Variants in DGKK observed in about 807,000 individuals in gnomAD.
DGKK encodes the protein 142 kDa diacylglycerol kinase.
Under a neutral mutation model 92.2 loss-of-function variants are expected in DGKK, and 35 were observed. The observed-to-expected ratio is 0.38, with a 90% CI of 0.29 to 0.50. The LOEUF (loss-of-function observed/expected upper bound fraction) is 0.50, where lower values mean the gene tolerates loss of function less well. DGKK is among the 20% of genes least tolerant of loss of function. The pLI is 0.92. For missense variants in DGKK, 910 were observed against 992.2 expected (o/e 0.92, Z 1.11); for synonymous variants, 368 against 360.6 (o/e 1.02, Z -0.23).
chrX:50,400,981 T>A, intron 8 of DGKK, 56 bp downstream of exon 8: 1 of 1,075,957 alleles, frequency 9.3e-7, no homozygotes, highest in African/African-American at 1.8e-5. Flanking sequence ...CTTCCCAGCC[T>A]TTGCACCTTC....
At chrX:50,433,004 T>C (rs1224721804) in intron 1 of DGKK, among the ~76,000 whole-genome samples, 1 of 111,786 alleles carries the variant, frequency 8.9e-6, no homozygotes, top group African/African-American at 3.3e-5. Flanking sequence ...CCCTTGGTAA[T>C]TGACCTGGGA....
At chrX:50,466,785 C>T (rs1394093210) in intron 1 of DGKK, among the ~76,000 whole-genome samples, 1 of 111,528 alleles carries the variant, frequency 9.0e-6, no homozygotes, top group African/African-American at 3.3e-5. Flanking sequence ...TAGGAATCAC[C>T]AGATATCATA....
chrX:50,371,645 T>C lies in DGKK; in HGVS notation c.3612+79A>G, dbSNP rs1388923129. On this transcript the variant is annotated intron_variant, in intron 26 of 27. Coordinates refer to ENST00000611977, the MANE Select transcript of DGKK (RefSeq NM_001013742.4). ...GACCCCCTGTACTACAGTCACCATG[T>C]CCTGGCCCACACTGGAAGGGAAGGC... The C allele has an allele frequency of 6.7e-6, 5 of 745,467 alleles. No individual in the cohort carries two copies. In the African/African-American group the frequency reaches 8.4e-5, roughly 13 times the overall value. The allele number at this position is 745,467 out of a possible 1,213,427, so 61.4% of individuals were successfully genotyped here.
intron 21 of DGKK, 23 bp from the exon 22 acceptor site, chrX:50,378,255 A>G (rs782570600): frequency 2.5e-6 from 3 of 1,200,347 alleles, no homozygotes; most frequent in South Asian, 3.6e-5. Context: ...ATGAGGAAGA[A>G]TGGGAGAGAA....
chrX:50,464,140 G>A (rs782173372), intron 1 of DGKK, among the ~76,000 whole-genome samples: 1,870 of 88,438 alleles, frequency 0.021, 35 homozygotes, highest in African/African-American at 0.063. Context: ...TAAAAAAATC[G>A]GTTTTTTTTT....
chrX:50,454,954 TCA>T (rs1926574887), intron 1 of DGKK, among the ~76,000 whole-genome samples: 1 of 112,243 alleles, frequency 8.9e-6, no homozygotes, highest in Non-Finnish European at 1.9e-5. Flanking sequence ...TGTAACAAAA[TCA>T]TATCTTTCCT....
chrX:50,389,355 C>T (rs1924627863), intron 12 of DGKK, among the ~76,000 whole-genome samples: 1 of 112,236 alleles, frequency 8.9e-6, no homozygotes, highest in Admixed American at 9.4e-5. Flanking sequence ...TCCAAATCAC[C>T]ATCACCTCTT....
intron 4 of DGKK, among the ~76,000 whole-genome samples, chrX:50,407,679 A>G (rs1557227419): frequency 8.9e-6 from 1 of 111,806 alleles, no homozygotes; most frequent in East Asian, 2.8e-4. Context: ...AGGGCACACA[A>G]TGCAGTCCAT....
intron 18 of DGKK, among the ~76,000 whole-genome samples, chrX:50,380,477 C>T (rs1157089032): frequency 2.7e-5 from 3 of 111,263 alleles, no homozygotes; most frequent in East Asian, 2.8e-4. Context: ...ATTTGAAACA[C>T]GTGACTCTTA....
At chrX:50,388,871 A>T (rs1344049038) in intron 12 of DGKK, among the ~76,000 whole-genome samples, 4 of 112,168 alleles carry the variant, frequency 3.6e-5, no homozygotes, top group African/African-American at 1.3e-4. Flanking sequence ...AGGAGGTACT[A>T]TTTCTTTCAT....
chrX:50,376,484 G>A (rs1358674155), intron 23 of DGKK, among the ~76,000 whole-genome samples: 3 of 111,857 alleles, frequency 2.7e-5, no homozygotes, highest in Non-Finnish European at 5.6e-5. Flanking sequence ...ATATTTAAGG[G>A]CAAGGGTAAA....
chrX:50,402,979 T>C (rs1257178919), intron 7 of DGKK, 82 bp downstream of exon 7: 2 of 1,111,346 alleles, frequency 1.8e-6, no homozygotes, highest in African/African-American at 3.7e-5. Context: ...GATTTCTATC[T>C]ATGTGTATAC....
chrX:50,386,060 T>C (rs1011230716), intron 15 of DGKK, among the ~76,000 whole-genome samples: 3 of 111,511 alleles, frequency 2.7e-5, no homozygotes, highest in Non-Finnish European at 1.9e-5. Flanking sequence ...TGATAGAGCT[T>C]TGAACCAGGT....
intron 25 of DGKK, among the ~76,000 whole-genome samples, chrX:50,374,519 A>G (rs1268055785): frequency 9.0e-6 from 1 of 111,420 alleles, no homozygotes; most frequent in Non-Finnish European, 1.9e-5. Flanking sequence ...TAGGAAACGA[A>G]TATATTAATA....
At chrX:50,443,992 C>A (rs934841285) in intron 1 of DGKK, among the ~76,000 whole-genome samples, 1 of 111,239 alleles carries the variant, frequency 9.0e-6, no homozygotes, top group African/African-American at 3.3e-5. Flanking sequence ...TTACACTCAG[C>A]ATAATTCCCT....
intron 1 of DGKK, among the ~76,000 whole-genome samples, chrX:50,430,525 A>G (rs781897161): frequency 8.9e-6 from 1 of 112,066 alleles, no homozygotes; most frequent in African/African-American, 3.2e-5. Flanking sequence ...CCCGAATTCA[A>G]TCACCACAGA....
At chrX:50,396,386 C>A (rs1924852531) in intron 8 of DGKK, among the ~76,000 whole-genome samples, 1 of 111,850 alleles carries the variant, frequency 8.9e-6, no homozygotes, top group African/African-American at 3.3e-5. Context: ...AGCAGCAAGA[C>A]TTTTCATTAA....
chrX:50,395,306 C>T (rs942835715), intron 8 of DGKK, among the ~76,000 whole-genome samples: 1 of 111,451 alleles, frequency 9.0e-6, no homozygotes, highest in African/African-American at 3.3e-5. Flanking sequence ...CTGTGCTTCC[C>T]TTTCTCACTC....
intron 8 of DGKK, 48 bp from the exon 9 acceptor site, chrX:50,393,383 A>T (rs1407775025): frequency 9.5e-7 from 1 of 1,049,589 alleles, no homozygotes; most frequent in East Asian, 3.1e-5. Context: ...GGACCCGTTG[A>T]GATGGAAACG....
Sources: allele counts gnomAD v4.1 joint callset (sites outside exome capture counted in the v4.1 genomes callset), GRCh38; gene constraint gnomAD v4.1.1; transcripts MANE v1.5; gene names NCBI Gene and HGNC (gene_info 2026-07-23, HGNC 2026-07-21).